The following PDE4D variants were observed in gnomAD, a reference collection of about 807,000 sequenced individuals.
PDE4D encodes 3',5'-cyclic-AMP phosphodiesterase 4D.
Under a neutral mutation model 87.4 loss-of-function variants are expected in PDE4D, and 24 were observed. That is an observed-to-expected ratio of 0.27 (90% confidence interval 0.20 to 0.39). The LOEUF (loss-of-function observed/expected upper bound fraction) is 0.39, where lower values mean the gene tolerates loss of function less well. PDE4D is among the 10% of genes least tolerant of loss of function. The pLI, the probability that PDE4D is intolerant of heterozygous loss-of-function variation, is 1.00. For synonymous variants in PDE4D, 384 were observed against 383.2 expected, an observed-to-expected ratio of 1.00 and a Z score of -0.02; for missense variants, 714 against 1,041.0, an observed-to-expected ratio of 0.69 and a Z score of 4.32.
intron 3 of PDE4D, among the ~76,000 whole-genome samples, chr5:59,189,960 C>T (rs180860183): frequency 6.6e-6 from 1 of 152,276 alleles, no homozygotes; most frequent in African/African-American, 2.4e-5. Flanking sequence ...CTATAGGATC[C>T]TTTCTGAAAA....
intron 1 of PDE4D, among the ~76,000 whole-genome samples, chr5:59,417,032 T>C (rs973852123): frequency 6.6e-6 from 1 of 152,138 alleles, no homozygotes; most frequent in African/African-American, 2.4e-5. Flanking sequence ...TTTCGAAATA[T>C]TGTGTATGAA....
At chr5:59,249,563 C>T (rs971679873) in intron 1 of PDE4D, among the ~76,000 whole-genome samples, 3 of 151,964 alleles carry the variant, frequency 2.0e-5, no homozygotes, top group Non-Finnish European at 4.4e-5. Context: ...CAATAATTGG[C>T]AAATACATAA....
At chr5:59,579,790 C>T (rs1823778109) in intron 1 of PDE4D, among the ~76,000 whole-genome samples, 1 of 152,178 alleles carries the variant, frequency 6.6e-6, no homozygotes, top group Admixed American at 6.5e-5. Context: ...CTGTAGTTTG[C>T]ATTTCTACTT....
intron 2 of PDE4D, among the ~76,000 whole-genome samples, chr5:59,992,771 CTGTT>C (rs1763144654): frequency 6.6e-6 from 1 of 152,156 alleles, no homozygotes; most frequent in Non-Finnish European, 1.5e-5. Flanking sequence ...TGCTTATACT[CTGTT>C]AGTTTAAACC....
intron 1 of PDE4D, among the ~76,000 whole-genome samples, chr5:59,553,085 T>C (rs1818371860): frequency 1.3e-5 from 2 of 152,194 alleles, no homozygotes; most frequent in African/African-American, 2.4e-5. Flanking sequence ...CTGACAGATA[T>C]CGCTTTGTCA....
intron 3 of PDE4D, chr5:59,987,685 T>C (rs866005693): frequency 2.6e-5 from 4 of 152,232 alleles, no homozygotes; most frequent in East Asian, 1.9e-4. Context: ...AGTCTATCTA[T>C]GTATGGCCCA....
chr5:59,159,932 G>T (rs951373012), intron 5 of PDE4D, among the ~76,000 whole-genome samples: 1 of 152,074 alleles, frequency 6.6e-6, no homozygotes, highest in Non-Finnish European at 1.5e-5. Flanking sequence ...TTTGCTGCTC[G>T]TTACTGTAGG....
intron 2 of PDE4D, among the ~76,000 whole-genome samples, chr5:60,169,905 C>A (rs1783264572): frequency 6.6e-6 from 1 of 151,838 alleles, no homozygotes. Flanking sequence ...TTTTTGTGGA[C>A]CTGCAAATTA....
chr5:59,590,363 T>C (rs1825748675), intron 1 of PDE4D, among the ~76,000 whole-genome samples: 1 of 152,164 alleles, frequency 6.6e-6, no homozygotes, highest in Admixed American at 6.6e-5. Flanking sequence ...TAAAAGATAA[T>C]CATCCTTTCA....
chr5:59,418,916 C>G (rs1361220231), intron 1 of PDE4D, among the ~76,000 whole-genome samples: 1 of 152,174 alleles, frequency 6.6e-6, no homozygotes, highest in African/African-American at 2.4e-5. Context: ...TCCCAGACTG[C>G]TAGGATTATG....
chr5:59,566,606 A>C (rs6890180), intron 1 of PDE4D, among the ~76,000 whole-genome samples: 103,001 of 145,612 alleles, frequency 0.71, 35,869 homozygotes, highest in South Asian at 0.81. Flanking sequence ...GAGAGAGAGA[A>C]AGAGAATTTG....
intron 1 of PDE4D, among the ~76,000 whole-genome samples, chr5:59,794,409 AT>A (rs1766213749): frequency 6.6e-6 from 1 of 152,108 alleles, no homozygotes; most frequent in African/African-American, 2.4e-5. Context: ...CTGAGATGCC[AT>A]CTGTGAGGCT....
At chr5:59,338,825 GCAACTATT>G (rs1778205055) in intron 1 of PDE4D, among the ~76,000 whole-genome samples, 1 of 152,084 alleles carries the variant, frequency 6.6e-6, no homozygotes, top group Non-Finnish European at 1.5e-5. Flanking sequence ...CACTGCTATA[GCAACTATT>G]AATGAAAGTC....
rs536039368 is a variant in PDE4D at position 59,540,371 on chromosome 5, A to C, written c.456-324403T>G. Among the ~76,000 whole-genome samples the C allele has an allele frequency of 2.0e-4, 30 of 152,302 alleles. 1 individual carries two copies. In the South Asian group the frequency reaches 3.3e-3, roughly 17 times the overall value. ...ATTTAAAAAAACGAAAACAAAAAAA[A>C]CCAAAAAACAGAAAAAAAGAGGGCT... On this transcript the variant is annotated intron_variant, in intron 1 of 14. Coordinates refer to ENST00000340635, the MANE Select transcript of PDE4D (RefSeq NM_001104631.2).
intron 1 of PDE4D, among the ~76,000 whole-genome samples, chr5:59,726,721 A>G (rs1363485619): frequency 6.6e-6 from 1 of 152,132 alleles, no homozygotes. Flanking sequence ...TATTGATACA[A>G]CTTTAGCTAA....
intron 1 of PDE4D, among the ~76,000 whole-genome samples, chr5:59,357,592 T>C (rs899952001): frequency 1.3e-5 from 2 of 152,232 alleles, no homozygotes; most frequent in African/African-American, 2.4e-5. Flanking sequence ...TGCATGACTC[T>C]GACAACAAAG....
At chr5:59,577,262 C>T (rs1045791994) in intron 1 of PDE4D, among the ~76,000 whole-genome samples, 2 of 152,036 alleles carry the variant, frequency 1.3e-5, no homozygotes, top group Admixed American at 1.3e-4. Flanking sequence ...CTGTCTTCCC[C>T]ATGAAAAAGG....
intron 3 of PDE4D, among the ~76,000 whole-genome samples, chr5:59,898,749 C>A (rs761907211): frequency 3.9e-5 from 6 of 152,040 alleles, no homozygotes; most frequent in Admixed American, 1.3e-4. Flanking sequence ...TAAGCAGAAG[C>A]CTGATAAAGA....
chr5:59,833,222 T>G (rs1741512986), intron 1 of PDE4D, among the ~76,000 whole-genome samples: 2 of 152,006 alleles, frequency 1.3e-5, no homozygotes, highest in African/African-American at 4.8e-5. Flanking sequence ...ATGAATGGGT[T>G]GACATATGGA....
Sources: gnomAD v4.1 joint callset for allele counts (sites outside exome capture counted in the v4.1 genomes callset) on GRCh38, gnomAD v4.1.1 for gene constraint, MANE v1.5 for transcripts, NCBI Gene and HGNC (gene_info 2026-07-23, HGNC 2026-07-21) for gene names.